Variants in RHD observed in about 807,000 individuals in gnomAD.
RHD encodes blood group Rh(D) polypeptide.
RHD carries 16 observed loss-of-function variants against 45.5 expected under a neutral mutation model. The observed-to-expected ratio is 0.35, with a 90% CI of 0.24 to 0.53. The LOEUF (loss-of-function observed/expected upper bound fraction) is 0.53, where lower values mean the gene tolerates loss of function less well. Among genes scored for constraint, RHD ranks in the 20% least tolerant of loss-of-function variants. The pLI is 0.92. For missense variants in RHD, 306 were observed against 532.0 expected (o/e 0.58, Z 4.18); for synonymous variants, 131 against 217.5 (o/e 0.60, Z 3.50).
rs1443118510 is a variant in RHD at position 25,312,066 on chromosome 1, T to C, written c.1074-4934T>C. Among the ~76,000 whole-genome samples the C allele has an allele frequency of 6.7e-5, 7 of 104,096 alleles. 1 individual carries two copies. In the South Asian group the frequency reaches 9.2e-4, roughly 14 times the overall value. 68.3% of individuals were successfully genotyped at this position (104,096 alleles called of 152,430 possible). On this transcript the variant is annotated intron_variant, in intron 7 of 9. Coordinates refer to ENST00000328664, the MANE Select transcript of RHD (RefSeq NM_016124.6). ...ACTCCAACCTGTGCGAAGTGCAACA[T>C]GGGCAGAACCCAGCAAAACCACAGG...
intron 7 of RHD, among the ~76,000 whole-genome samples, chr1:25,312,970 G>T (rs1422949436): frequency 1.3e-5 from 1 of 79,192 alleles, no homozygotes; most frequent in African/African-American, 3.7e-5. Flanking sequence ...AGTGCTATTG[G>T]AATGAATTTT....
At position 25,329,289 on chromosome 1, in the gene RHD, G is replaced by C. The variant is rs1644939552; in HGVS notation, c.*365G>C. On this transcript the variant is annotated 3_prime_UTR_variant, in exon 10 of 10. Coordinates refer to ENST00000328664, the MANE Select transcript of RHD (RefSeq NM_016124.6). ...AGATGTAGTCTTACTCTGTCACCCA[G>C]GCTAGAGTGCAATGGCACCATCTTG... The C allele has an allele frequency of 8.8e-6, 4 of 456,148 alleles. 2 individuals carry two copies. Among genetic ancestry groups the C allele is most frequent in the Non-Finnish European group, 7.6e-6 (2 of 263,766 alleles). The allele number at this position is 456,148 out of a possible 1,614,324, so 28.3% of individuals were successfully genotyped here. A position where few individuals can be genotyped will look rare whatever the true frequency, so the allele number is the denominator to read the frequency against.
Position 25,329,038 on chromosome 1 carries a change from G to A in RHD, c.*114G>A, listed in dbSNP as rs764144581. 146 of 1,376,014 alleles carry A rather than the reference G, an allele frequency of 1.1e-4. 29 individuals carry two copies. In the South Asian group the frequency reaches 1.5e-3, roughly 14 times the overall value. 85.2% of individuals were successfully genotyped at this position (1,376,014 alleles called of 1,614,324 possible). A position where few individuals can be genotyped will look rare whatever the true frequency, so the allele number is the denominator to read the frequency against. On this transcript the variant is annotated 3_prime_UTR_variant, in exon 10 of 10. Transcript: ENST00000328664. ...TGACAGCAAAGTCTCCAATGTTCGC[G>A]CAGGCACTGGAGTCAGAGAAAATGG...
In RHD at chr1:25,308,545, A is replaced by G. The variant is rs1353835092; in HGVS notation, c.1073+1816A>G. Among the ~76,000 whole-genome samples, 24 of 132,396 alleles carry G rather than the reference A, an allele frequency of 1.8e-4. 9 individuals carry two copies. Among genetic ancestry groups the G allele is most frequent in the Middle Eastern group, 8.1e-3 (2 of 246 alleles). 86.9% of individuals were successfully genotyped at this position (132,396 alleles called of 152,430 possible). Reference sequence around the variant, plus strand: ...CCAAGAAAATAAAGCCTTGATTGGTAGCACTTGCAATTTCTATGGTACAAA... The same window carrying G: ...CCAAGAAAATAAAGCCTTGATTGGTGGCACTTGCAATTTCTATGGTACAAA... On this transcript the variant is annotated intron_variant, in intron 7 of 9. Transcript: ENST00000328664.
chr1:25,274,793 G>C lies in RHD; in HGVS notation c.148+2098G>C, dbSNP rs1640800161. ...AGGCCAAGGCTGGAGAATCACCTGA[G>C]GTTAGGAGTTCGAGACCAGCCTGGC... On this transcript the variant is annotated intron_variant, in intron 1 of 9. Coordinates refer to ENST00000328664, the MANE Select transcript of RHD (RefSeq NM_016124.6). Among the ~76,000 whole-genome samples the C allele has an allele frequency of 1.5e-5, 2 of 133,802 alleles. 1 individual carries two copies. Among genetic ancestry groups the C allele is most frequent in the Non-Finnish European group, 3.6e-5 (2 of 56,220 alleles). The allele number at this position is 133,802 out of a possible 152,430, so 87.8% of individuals were successfully genotyped here. A position where few individuals can be genotyped will look rare whatever the true frequency, so the allele number is the denominator to read the frequency against.
rs1462918950 is a variant in RHD at position 25,322,411 on chromosome 1, G to A, written c.1227+449G>A. ...CAACTGGCTGGGCACGGTGGCTCAC[G>A]CCTGTGATCCCAGCACTTTGGGAGG... On this transcript the variant is annotated intron_variant, in intron 9 of 9. Transcript: ENST00000328664. Among the ~76,000 whole-genome samples the A allele has an allele frequency of 6.0e-5, 8 of 133,324 alleles. 1 individual carries two copies. The highest frequency in any genetic ancestry group is 2.0e-4 in the African/African-American group (8 of 39,216). The allele number at this position is 133,324 out of a possible 152,430, so 87.5% of individuals were successfully genotyped here.
At chr1:25,312,957 T>TAAAAAAAAAAAAAAAAAAA (rs1491188755) in intron 7 of RHD, among the ~76,000 whole-genome samples, 1 of 24,432 alleles carries the variant, frequency 4.1e-5, no homozygotes, top group Admixed American at 5.3e-4. Context: ...AAAAAAAAAC[T>TAAAAAAAAAAAAAAAAAAA]TTAGTGCTAT....
chr1:25,299,255 G>T lies in RHD; in HGVS notation c.487-1691G>T, dbSNP rs1260673686. Among the ~76,000 whole-genome samples the T allele has an allele frequency of 1.6e-5, 2 of 128,928 alleles. 1 individual carries two copies. Among genetic ancestry groups the T allele is most frequent in the Non-Finnish European group, 3.6e-5 (2 of 54,932 alleles). 84.6% of individuals were successfully genotyped at this position (128,928 alleles called of 152,430 possible). ...AAATTAGCCGGGCACGGTGGTGGGT[G>T]CCTGTAATCCCAGCTACTTGGGAGG... On this transcript the variant is annotated intron_variant, in intron 3 of 9. Coordinates refer to ENST00000328664, the MANE Select transcript of RHD (RefSeq NM_016124.6).
intron 3 of RHD, among the ~76,000 whole-genome samples, chr1:25,292,235 C>T (rs1642570209): frequency 7.6e-6 from 1 of 132,370 alleles, no homozygotes. Context: ...GGATTTTACT[C>T]TGAGAAATAC....
intron 2 of RHD, among the ~76,000 whole-genome samples, chr1:25,286,619 T>G (rs964866011): frequency 1.5e-5 from 2 of 132,446 alleles, no homozygotes; most frequent in African/African-American, 5.3e-5. Context: ...ACCCTGTCTC[T>G]ACTAAAAATA....
chr1:25,299,948 C>A (rs1338722312), intron 3 of RHD, among the ~76,000 whole-genome samples: 1 of 130,532 alleles, frequency 7.7e-6, no homozygotes, highest in Non-Finnish European at 1.8e-5. Flanking sequence ...CAGGGTTTTG[C>A]CATGTTGGCC....
In RHD at chr1:25,301,499, A is replaced by G. The variant is rs776046191; in HGVS notation, c.635-21A>G. 1.1e-4 allele frequency: 156 copies of G among 1,376,014 alleles called. 52 individuals are homozygous for G. Among genetic ancestry groups the G allele is most frequent in the Non-Finnish European group, 2.6e-5 (25 of 977,494 alleles). 85.2% of individuals were successfully genotyped at this position (1,376,014 alleles called of 1,614,324 possible). ...TGGAGCAGGAGTGTGATTCTGGCCA[A>G]CCACCCTCTCTGGCCCCCAGGCGCC... On this transcript the variant is annotated intron_variant, in intron 4 of 9. Coordinates refer to ENST00000328664, the MANE Select transcript of RHD (RefSeq NM_016124.6).
At position 25,303,270 on chromosome 1, in the gene RHD, T is replaced by C. The variant is rs1643529413; in HGVS notation, c.802-52T>C. ...AGCGTGCTGGTCACTTGCAGCAAGATGGTGTTCTCTCTCTACCTTGCTTCC... is the reference window on the plus strand; with the variant it reads ...AGCGTGCTGGTCACTTGCAGCAAGACGGTGTTCTCTCTCTACCTTGCTTCC... On this transcript the variant is annotated intron_variant, in intron 5 of 9. Coordinates refer to ENST00000328664, the MANE Select transcript of RHD (RefSeq NM_016124.6). 7 of 1,144,768 alleles carry C rather than the reference T, an allele frequency of 6.1e-6. 1 individual carries two copies. The highest frequency in any genetic ancestry group is 5.0e-5 in the South Asian group (4 of 79,368). The allele number at this position is 1,144,768 out of a possible 1,614,324, so 70.9% of individuals were successfully genotyped here.
intron 1 of RHD, among the ~76,000 whole-genome samples, chr1:25,273,029 A>T (rs1750382): frequency 7.6e-6 from 1 of 131,466 alleles, no homozygotes; most frequent in Non-Finnish European, 1.8e-5. Context: ...GTGGCAAGGA[A>T]TTTTTTTATT....
rs906568070 is a variant in RHD at position 25,330,359 on chromosome 1, C to T, written c.*1435C>T. Reference sequence around the variant, plus strand: ...TGTTACTATGGGAAATCTTGTTTTGCCAATTTTCTTTGAAAATTCTGGCAG... The same window carrying T: ...TGTTACTATGGGAAATCTTGTTTTGTCAATTTTCTTTGAAAATTCTGGCAG... On this transcript the variant is annotated 3_prime_UTR_variant, in exon 10 of 10. Transcript: ENST00000328664. 8 of 132,612 alleles carry T rather than the reference C, an allele frequency of 6.0e-5. 1 individual carries two copies. Among genetic ancestry groups the T allele is most frequent in the African/African-American group, 2.1e-4 (8 of 38,936 alleles). The allele number at this position is 132,612 out of a possible 1,614,324, so 8.2% of individuals were successfully genotyped here. A position where few individuals can be genotyped will look rare whatever the true frequency, so the allele number is the denominator to read the frequency against.
In RHD at chr1:25,280,188, A is replaced by C. The variant is rs911026833; in HGVS notation, c.149-4385A>C. Among the ~76,000 whole-genome samples the C allele has an allele frequency of 9.3e-5, 12 of 128,798 alleles. 4 individuals carry two copies. Among genetic ancestry groups the C allele is most frequent in the Admixed American group, 8.3e-4 (11 of 13,320 alleles). 84.5% of individuals were successfully genotyped at this position (128,798 alleles called of 152,430 possible). ...GAGGCACAATTCCTCTCTCAGGGAC[A>C]GTGTAGAGCCTTGGGGAGGAAGGCC... is the stretch of plus-strand genomic sequence containing the variant. On this transcript the variant is annotated intron_variant, in intron 1 of 9. Coordinates refer to ENST00000328664, the MANE Select transcript of RHD (RefSeq NM_016124.6).
At chr1:25,286,070 G>C (rs1371576436) in intron 2 of RHD, among the ~76,000 whole-genome samples, 2 of 135,506 alleles carry the variant, frequency 1.5e-5, no homozygotes, top group Admixed American at 1.4e-4. Flanking sequence ...CTAAGTGGTG[G>C]AGATGGCTCC....
chr1:25,279,663 G>A (rs1422845480), intron 1 of RHD, among the ~76,000 whole-genome samples: 1 of 123,190 alleles, frequency 8.1e-6, no homozygotes, highest in South Asian at 2.5e-4. Flanking sequence ...TGCCTGGAAC[G>A]TGGGGTACTG....
intron 3 of RHD, among the ~76,000 whole-genome samples, chr1:25,293,602 C>T (rs576272763): frequency 1.5e-5 from 2 of 130,980 alleles, no homozygotes; most frequent in South Asian, 2.3e-4. Context: ...GCACTCCAAG[C>T]GTTTCTTCCT....
Sources: gnomAD v4.1 joint callset for allele counts (sites outside exome capture counted in the v4.1 genomes callset) on GRCh38, gnomAD v4.1.1 for gene constraint, MANE v1.5 for transcripts, NCBI Gene and HGNC (gene_info 2026-07-23, HGNC 2026-07-21) for gene names.